NRXN3: variants seen among roughly 807,000 people sequenced by gnomAD.
NRXN3 encodes neurexin III.
In NRXN3, 32 loss-of-function variants were observed where a neutral mutation model predicts 137.6. The ratio of observed to expected loss-of-function variants is 0.23; its 90% CI spans 0.18 to 0.31. The LOEUF (loss-of-function observed/expected upper bound fraction) is 0.31, where lower values mean the gene tolerates loss of function less well. NRXN3 is among the 10% of genes least tolerant of loss of function. NRXN3 has a pLI of 1.00. For missense variants in NRXN3, 1,574 were observed against 2,062.5 expected, an observed-to-expected ratio of 0.76 and a Z score of 4.59; for synonymous variants, 798 against 784.5, an observed-to-expected ratio of 1.02 and a Z score of -0.29.
In NRXN3 at chr14:79,806,962, A is replaced by ATTTTT. The variant is rs35028709; in HGVS notation, c.4093+1801_4093+1805dup. Among the ~76,000 whole-genome samples the ATTTTT allele has an allele frequency of 3.8e-4, 10 of 26,356 alleles. 2 individuals are homozygous for ATTTTT. Among genetic ancestry groups the ATTTTT allele is most frequent in the East Asian group, 3.9e-3 (2 of 514 alleles). 17.3% of individuals were successfully genotyped at this position (26,356 alleles called of 152,430 possible). A position where few individuals can be genotyped will look rare whatever the true frequency, so the allele number is the denominator to read the frequency against. ...TTTATATATATATATATATATATAT[A>ATTTTT]TTTTTTTTTTTTTTTTTTTTTTTTT... On this transcript the variant is annotated intron_variant, in intron 20 of 20. Coordinates refer to ENST00000335750, the MANE Select transcript of NRXN3 (RefSeq NM_001330195.2).
At chr14:79,520,358 C>T (rs764617175) in intron 16 of NRXN3, among the ~76,000 whole-genome samples, 101 of 152,232 alleles carry the variant, frequency 6.6e-4, no homozygotes, top group Non-Finnish European at 7.1e-4. Context: ...AGGTTTGTTA[C>T]ATAGGTATAC....
Position 79,472,793 on chromosome 14 carries a change from A to G in NRXN3, c.3444+5391A>G, listed in dbSNP as rs745990540. ...ACTCACCTTCATTTATACAACAGGG[A>G]AAAAAAACTGAATAGGACTAGAGAA... On this transcript the variant is annotated intron_variant, in intron 16 of 20. Transcript: ENST00000335750. 8.1e-4 allele frequency among the ~76,000 whole-genome samples: 123 copies of G among 151,912 alleles called. 1 individual carries two copies. Among genetic ancestry groups the G allele is most frequent in the Non-Finnish European group, 1.5e-3 (105 of 67,986 alleles).
Position 79,294,613 on chromosome 14 carries a change from T to A in NRXN3, c.3263-172608T>A, listed in dbSNP as rs116458735. ...ATCCAAGTATTAAGTGACAGAGCAA[T>A]AACTGCTACCCAGCTTCTATTACAT... On this transcript the variant is annotated intron_variant, in intron 15 of 20. Coordinates refer to ENST00000335750, the MANE Select transcript of NRXN3 (RefSeq NM_001330195.2). Among the ~76,000 whole-genome samples, 907 of 152,254 alleles carry A rather than the reference T, an allele frequency of 6.0e-3. 10 individuals are homozygous for A. The highest frequency in any genetic ancestry group is 0.021 in the African/African-American group (866 of 41,538).
intron 15 of NRXN3, among the ~76,000 whole-genome samples, chr14:79,226,053 C>T (rs866399907): frequency 5.3e-5 from 8 of 152,068 alleles, no homozygotes; most frequent in African/African-American, 1.7e-4. Context: ...ACCTAATTCC[C>T]TTTTACCATG....
chr14:79,685,926 G>T (rs368204699), intron 17 of NRXN3, among the ~76,000 whole-genome samples: 3 of 152,110 alleles, frequency 2.0e-5, no homozygotes, highest in Non-Finnish European at 2.9e-5. Flanking sequence ...ATGAACATTC[G>T]GATAGCTGGA....
chr14:79,745,077 A>T (rs2098975475), intron 19 of NRXN3, among the ~76,000 whole-genome samples: 1 of 152,092 alleles, frequency 6.6e-6, no homozygotes, highest in African/African-American at 2.4e-5. Flanking sequence ...CTCTACAAAA[A>T]GTTCAGAGCG....
chr14:79,527,796 G>A (rs560025260), intron 16 of NRXN3, among the ~76,000 whole-genome samples: 3 of 150,544 alleles, frequency 2.0e-5, no homozygotes, highest in South Asian at 2.1e-4. Flanking sequence ...GCTTCAACCC[G>A]GGAGGCAGAG....
chr14:79,132,196 C>T (rs2057619317), intron 15 of NRXN3, among the ~76,000 whole-genome samples: 1 of 152,248 alleles, frequency 6.6e-6, no homozygotes, highest in Non-Finnish European at 1.5e-5. Context: ...GCCATCTTGG[C>T]TCCTCCAACT....
At chr14:78,677,429 A>G (rs1269935614) in intron 6 of NRXN3, among the ~76,000 whole-genome samples, 4 of 150,284 alleles carry the variant, frequency 2.7e-5, no homozygotes, top group Non-Finnish European at 5.9e-5. Context: ...GAAAATAGGA[A>G]AAAAAAAAAC....
Position 79,474,216 on chromosome 14 carries a change from G to A in NRXN3, c.3444+6814G>A, listed in dbSNP as rs146853614. ...CTTCAGCTTCCTCTTCTTATAAATGGGCATAAAATATTATGTTGCAGGGTT... is the reference window on the plus strand; with the variant it reads ...CTTCAGCTTCCTCTTCTTATAAATGAGCATAAAATATTATGTTGCAGGGTT... On this transcript the variant is annotated intron_variant, in intron 16 of 20. Transcript: ENST00000335750. Among the ~76,000 whole-genome samples, 178 of 152,068 alleles carry A rather than the reference G, an allele frequency of 1.2e-3. 1 individual carries two copies. Among genetic ancestry groups the A allele is most frequent in the African/African-American group, 4.3e-3 (177 of 41,492 alleles).
At chr14:78,857,533 T>G (rs1450932678) in intron 10 of NRXN3, among the ~76,000 whole-genome samples, 2 of 152,154 alleles carry the variant, frequency 1.3e-5, no homozygotes, top group African/African-American at 4.8e-5. Flanking sequence ...TCATCCAGTG[T>G]GTGTGTGTTT....
At chr14:79,294,906 A>C (rs1351170928) in intron 15 of NRXN3, among the ~76,000 whole-genome samples, 1 of 152,112 alleles carries the variant, frequency 6.6e-6, no homozygotes, top group Non-Finnish European at 1.5e-5. Context: ...TTGCATTTTC[A>C]ACCATATCAC....
intron 4 of NRXN3, among the ~76,000 whole-genome samples, chr14:78,535,152 A>AG (rs1491409359): frequency 3.3e-5 from 5 of 151,716 alleles, no homozygotes; most frequent in Non-Finnish European, 7.4e-5. Flanking sequence ...AAAAAAAAAA[A>AG]AGCCTTCCAT....
intron 10 of NRXN3, among the ~76,000 whole-genome samples, chr14:78,932,648 G>A (rs117150242): frequency 0.056 from 8,553 of 152,270 alleles, 356 homozygotes; most frequent in Admixed American, 0.083. Flanking sequence ...GTGAAATGTA[G>A]CAGAGCTATG....
intron 4 of NRXN3, among the ~76,000 whole-genome samples, chr14:78,530,761 T>A (rs1401507986): frequency 6.6e-6 from 1 of 152,224 alleles, no homozygotes; most frequent in Non-Finnish European, 1.5e-5. Flanking sequence ...TGGGGATGAA[T>A]CCTTCCCAAA....
intron 15 of NRXN3, among the ~76,000 whole-genome samples, chr14:79,431,410 T>G (rs2095752189): frequency 6.6e-6 from 1 of 152,196 alleles, no homozygotes; most frequent in Non-Finnish European, 1.5e-5. Flanking sequence ...AATTGTTGGC[T>G]CTATGCTGAC....
At chr14:78,535,590 C>A (rs1291262828) in intron 4 of NRXN3, among the ~76,000 whole-genome samples, 6 of 152,082 alleles carry the variant, frequency 3.9e-5, no homozygotes, top group African/African-American at 1.2e-4. Context: ...GTAGCCAGGG[C>A]TCCATCAATA....
chr14:78,872,117 T>A (rs762310002), intron 10 of NRXN3, among the ~76,000 whole-genome samples: 10 of 151,766 alleles, frequency 6.6e-5, no homozygotes, highest in Admixed American at 1.3e-4. Flanking sequence ...ATGGTGCTAT[T>A]TTTATTTTGA....
intron 4 of NRXN3, among the ~76,000 whole-genome samples, chr14:78,588,119 T>C (rs997228194): frequency 1.3e-5 from 2 of 152,212 alleles, no homozygotes; most frequent in Non-Finnish European, 2.9e-5. Flanking sequence ...AAGTATAAGC[T>C]TCTGTACCTG....
Sources: allele counts gnomAD v4.1 joint callset (sites outside exome capture counted in the v4.1 genomes callset), GRCh38; gene constraint gnomAD v4.1.1; transcripts MANE v1.5; gene names NCBI Gene and HGNC (gene_info 2026-07-23, HGNC 2026-07-21).